ALDH9A1: variants seen among roughly 807,000 people sequenced by gnomAD.
ALDH9A1 encodes 4-trimethylaminobutyraldehyde dehydrogenase.
ALDH9A1 carries 42 observed loss-of-function variants against 56.6 expected under a neutral mutation model. That is an observed-to-expected ratio of 0.74 (90% CI 0.58 to 0.96). ALDH9A1 has a LOEUF of 0.96. Ranked by LOEUF, ALDH9A1 falls within the 40% of genes least tolerant of loss-of-function variation. The pLI, the probability that ALDH9A1 is intolerant of heterozygous loss-of-function variation, is 0.00. For missense variants in ALDH9A1, 661 were observed against 651.5 expected (o/e 1.01, Z -0.16); for synonymous variants, 242 against 236.0 (o/e 1.03, Z -0.23).
intron 7 of ALDH9A1, 90 bp from the exon 8 acceptor site, chr1:165,669,103 A>G (rs1291109120): frequency 3.7e-6 from 5 of 1,347,826 alleles, no homozygotes. Flanking sequence ...ACAAACACAT[A>G]GTCTTCCCAG....
At chr1:165,668,746 G>T in intron 8 of ALDH9A1, 180 bp downstream of exon 8, 1 of 497,102 alleles carries the variant, frequency 2.0e-6, no homozygotes, top group East Asian at 3.3e-5. Context: ...GTGCCCTAAA[G>T]GAGGGGCACA....
chr1:165,683,089 T>A lies in ALDH9A1; in HGVS notation c.349A>T (p.Thr117Ser), dbSNP rs947307751. The A allele has an allele frequency of 1.2e-6, 2 of 1,613,962 alleles. No homozygotes were observed. The highest frequency in any genetic ancestry group is 2.7e-5 in the African/African-American group (2 of 74,908). ...TTGCCATTGTTGATGCACTCCATAG[T>A]AGCAATTTCATCCTCCCGTTCCTTT... ...IIREREDEIATMECINNGKSI... is the reference protein window; with the variant it reads ...IIREREDEIASMECINNGKSI... The change falls in exon 3 of 11, where the codon ACT (threonine) becomes TCT (serine). Residue 117 changes from threonine to serine, a missense_variant. Thr to Ser is a moderately conservative substitution (Grantham distance 58). Transcript: ENST00000354775.
chr1:165,678,352 T>C (rs1262997591), intron 6 of ALDH9A1, among the ~76,000 whole-genome samples: 1 of 151,710 alleles, frequency 6.6e-6, no homozygotes, highest in Non-Finnish European at 1.5e-5. Flanking sequence ...AGTAAGTAAA[T>C]AAATAAAAAT....
intron 6 of ALDH9A1, among the ~76,000 whole-genome samples, chr1:165,673,867 G>A (rs1649258520): frequency 6.6e-6 from 1 of 152,048 alleles, no homozygotes; most frequent in African/African-American, 2.4e-5. Flanking sequence ...GTAGGGGCTG[G>A]GTAAAATAAG....
At chr1:165,665,216 G>A (rs566885246) in intron 9 of ALDH9A1, 86 bp from the exon 10 acceptor site, 10 of 1,015,518 alleles carry the variant, frequency 9.8e-6, no homozygotes, top group African/African-American at 1.6e-5. Context: ...CAGTTCTAGG[G>A]TTCTCAAATC....
At position 165,677,857 on chromosome 1, in the gene ALDH9A1, CAAA is replaced by C. The variant is rs35531113; in HGVS notation, c.930+1582_930+1584del. ...TGGGCGACAGAGCAAGACTCTGTCT[CAAA>C]AAAAAAAAAAAAAAAAAAATTAGCC... On this transcript the variant is annotated intron_variant, in intron 6 of 10. Transcript: ENST00000354775. 9.3e-3 allele frequency among the ~76,000 whole-genome samples: 807 copies of C among 87,116 alleles called. 12 individuals carry two copies. Among genetic ancestry groups the C allele is most frequent in the South Asian group, 0.089 (226 of 2,538 alleles). The allele number at this position is 87,116 out of a possible 152,430, so 57.2% of individuals were successfully genotyped here.
In ALDH9A1 at chr1:165,696,991, A is replaced by C. The variant is rs530560636; in HGVS notation, c.181+1387T>G. Among the ~76,000 whole-genome samples, 6 of 152,342 alleles carry C rather than the reference A, an allele frequency of 3.9e-5. No homozygotes were observed. In the South Asian group the frequency reaches 1.2e-3, roughly 32 times the overall value. ...CTCTGTGGTTTAGTGTGGATGGTCA[A>C]ATACTAAATTCTCCAGTCCCCTGCA... On this transcript the variant is annotated intron_variant, in intron 1 of 10. Transcript: ENST00000354775.
At chr1:165,690,467 G>A (rs1309770073) in intron 2 of ALDH9A1, among the ~76,000 whole-genome samples, 2 of 152,074 alleles carry the variant, frequency 1.3e-5, no homozygotes, top group African/African-American at 2.4e-5. Context: ...TGGCCGAATA[G>A]GAGCAGCTCC....
intron 4 of ALDH9A1, 58 bp downstream of exon 4, chr1:165,682,049 G>C (rs775817339): frequency 1.5e-5 from 24 of 1,594,172 alleles, no homozygotes; most frequent in Non-Finnish European, 2.0e-5. Context: ...AGAATGGGGA[G>C]AGAACGAACG....
Position 165,698,545 on chromosome 1 carries a change from G to C in ALDH9A1, c.14C>G (p.Ala5Gly). 6.2e-7 allele frequency: 1 copy of C among 1,606,192 alleles called. No individual in the cohort carries two copies. The highest frequency in any genetic ancestry group is 8.5e-7 in the Non-Finnish European group (1 of 1,177,598). Residue 5 changes from alanine (A) to glycine (G), a missense_variant, in exon 1 of 11, where the codon GCA (alanine) becomes GGA (glycine). Physicochemically the swap from Ala to Gly is moderately conservative, Grantham distance 60 (BLOSUM62 0). Coordinates refer to ENST00000354775, the MANE Select transcript of ALDH9A1 (RefSeq NM_000696.4). ...AAGCGGGGAGAGCGCGGCCAGGCCT[G>C]CTCGGAGAAACATGAGTGGCGGACG... is the stretch of plus-strand genomic sequence containing the variant. MFLR[A>G]GLAALSPLLR... is the part of the protein sequence containing the mutation.
Position 165,666,487 on chromosome 1 carries a change from G to C in ALDH9A1, c.1349+822C>G, listed in dbSNP as rs141571592. ...CTTTGTAACCGGACTTTGTCTGTAC[G>C]AGGGTGGCAAAGTAAAGTAAGAGCA... On this transcript the variant is annotated intron_variant, in intron 9 of 10. Transcript: ENST00000354775. Among the ~76,000 whole-genome samples the C allele has an allele frequency of 7.2e-5, 11 of 152,264 alleles. No individual in the cohort carries two copies. In the East Asian group the frequency reaches 1.9e-3, roughly 27 times the overall value.
At chr1:165,690,763 T>A (rs1044211814) in intron 2 of ALDH9A1, among the ~76,000 whole-genome samples, 2 of 152,192 alleles carry the variant, frequency 1.3e-5, no homozygotes, top group African/African-American at 2.4e-5. Flanking sequence ...CTCACTGCTA[T>A]AACAGCAGTC....
chr1:165,683,538 G>A (rs528422368), intron 2 of ALDH9A1, among the ~76,000 whole-genome samples: 4 of 152,270 alleles, frequency 2.6e-5, no homozygotes, highest in South Asian at 2.1e-4. Context: ...AATGTAATAC[G>A]TACATGTACG....
At chr1:165,669,152 G>T in intron 7 of ALDH9A1, 110 bp downstream of exon 7, 2 of 1,325,808 alleles carry the variant, frequency 1.5e-6, no homozygotes, top group Non-Finnish European at 2.1e-6. Flanking sequence ...GATGCTAATA[G>T]TCCAATGAAT....
At chr1:165,671,747 T>C in intron 6 of ALDH9A1, 1 of 315,818 alleles carries the variant, frequency 3.2e-6, no homozygotes, top group Non-Finnish European at 6.3e-6. Flanking sequence ...TCTATGTACT[T>C]GAGCAATAAA....
chr1:165,663,852 T>C (rs1040892337), intron 10 of ALDH9A1, among the ~76,000 whole-genome samples: 1 of 152,208 alleles, frequency 6.6e-6, no homozygotes, highest in Non-Finnish European at 1.5e-5. Flanking sequence ...CCTTTCCAAA[T>C]CCCCTAAGCA....
At chr1:165,673,488 G>A (rs1261225268) in intron 6 of ALDH9A1, among the ~76,000 whole-genome samples, 2 of 152,010 alleles carry the variant, frequency 1.3e-5, no homozygotes, top group African/African-American at 4.8e-5. Context: ...CCCTCTCTTG[G>A]GGTCTGGATC....
intron 6 of ALDH9A1, among the ~76,000 whole-genome samples, chr1:165,675,346 C>A (rs1459050089): frequency 6.6e-6 from 1 of 150,982 alleles, no homozygotes; most frequent in Non-Finnish European, 1.5e-5. Flanking sequence ...TATATGTATT[C>A]TTTGTGTGTG....
chr1:165,666,330 T>G (rs545883725), intron 9 of ALDH9A1, among the ~76,000 whole-genome samples: 1 of 152,154 alleles, frequency 6.6e-6, no homozygotes. Context: ...TAGATTATGG[T>G]GATGGTTGCA....
Sources: gnomAD v4.1 joint callset for allele counts (sites outside exome capture counted in the v4.1 genomes callset) on GRCh38, gnomAD v4.1.1 for gene constraint, MANE v1.5 for transcripts, NCBI Gene and HGNC (gene_info 2026-07-23, HGNC 2026-07-21) for gene names.